Variants in LIPC observed in about 807,000 individuals in gnomAD.
The protein encoded by LIPC is hepatic triacylglycerol lipase.
LIPC carries 44 observed loss-of-function variants against 50.7 expected under a neutral mutation model. The ratio of observed to expected loss-of-function variants is 0.87; its 90% CI spans 0.68 to 1.11. LIPC has a LOEUF of 1.11. Ranked by LOEUF, LIPC falls within the 50% of genes most tolerant of loss-of-function variation. The pLI is 0.00. For missense variants in LIPC, 697 were observed against 648.2 expected (o/e 1.08, Z -0.82); for synonymous variants, 271 against 256.4 (o/e 1.06, Z -0.54).
At chr15:58,464,926 C>G (rs1340313841) in intron 1 of LIPC, among the ~76,000 whole-genome samples, 2 of 152,110 alleles carry the variant, frequency 1.3e-5, no homozygotes, top group African/African-American at 4.8e-5. Flanking sequence ...TGAGCCAAGA[C>G]TGTGCCACTG....
chr15:58,445,145 C>G (rs570109870), intron 1 of LIPC, among the ~76,000 whole-genome samples: 55 of 152,314 alleles, frequency 3.6e-4, no homozygotes, highest in African/African-American at 1.3e-3. Flanking sequence ...GGCATCCTCC[C>G]TCTTCAACAG....
At chr15:58,518,642 A>AAGATGC (rs1434464732) in intron 1 of LIPC, among the ~76,000 whole-genome samples, 1 of 152,224 alleles carries the variant, frequency 6.6e-6, no homozygotes, top group Non-Finnish European at 1.5e-5. Flanking sequence ...CAGAGCAGTT[A>AAGATGC]AGATGCAGGC....
intron 1 of LIPC, among the ~76,000 whole-genome samples, chr15:58,482,413 G>A (rs1404478703): frequency 2.6e-5 from 3 of 116,366 alleles, no homozygotes; most frequent in Non-Finnish European, 5.8e-5. Flanking sequence ...CGTGTATGGA[G>A]TGGTGAAAAA....
chr15:58,542,740 A>C, intron 4 of LIPC, 89 bp downstream of exon 4: 1 of 822,342 alleles, frequency 1.2e-6, no homozygotes, highest in Non-Finnish European at 2.1e-6. Flanking sequence ...CATCATTAAA[A>C]CACCCCAACA....
chr15:58,542,906 T>C (rs1448338154), intron 4 of LIPC, among the ~76,000 whole-genome samples: 1 of 152,200 alleles, frequency 6.6e-6, no homozygotes, highest in Non-Finnish European at 1.5e-5. Context: ...GTGTGCCAAA[T>C]GGGACTAAAA....
At position 58,543,405 on chromosome 15, in the gene LIPC, A is replaced by G. The variant is rs79550700; in HGVS notation, c.574+754A>G. On this transcript the variant is annotated intron_variant, in intron 4 of 8. Coordinates refer to ENST00000299022, the MANE Select transcript of LIPC (RefSeq NM_000236.3). ...CCTCTCCTCCTGCTGATCCCTTCCCATAGCTCTAGGCTTCAACGACACAAG... is the reference window on the plus strand; with the variant it reads ...CCTCTCCTCCTGCTGATCCCTTCCCGTAGCTCTAGGCTTCAACGACACAAG... 5.9e-5 allele frequency among the ~76,000 whole-genome samples: 9 copies of G among 152,062 alleles called. No individual in the cohort carries two copies. The East Asian group carries it at 1.7e-3, about 29-fold the overall frequency.
intron 1 of LIPC, among the ~76,000 whole-genome samples, chr15:58,445,385 C>T (rs1420409924): frequency 1.3e-5 from 2 of 152,238 alleles, no homozygotes; most frequent in Non-Finnish European, 2.9e-5. Flanking sequence ...GTTGCCTAGA[C>T]TCGCCCAGGC....
At chr15:58,463,805 A>G (rs146247350) in intron 1 of LIPC, among the ~76,000 whole-genome samples, 1 of 152,146 alleles carries the variant, frequency 6.6e-6, no homozygotes, top group South Asian at 2.1e-4. Flanking sequence ...AGTCCAATAA[A>G]GGCATTCATC....
At chr15:58,528,906 G>T (rs1377870542) in intron 1 of LIPC, among the ~76,000 whole-genome samples, 1 of 152,202 alleles carries the variant, frequency 6.6e-6, no homozygotes, top group East Asian at 1.9e-4. Context: ...AGCAGTGCCT[G>T]TCCCTACCTG....
chr15:58,472,125 G>C (rs756823439), intron 1 of LIPC, among the ~76,000 whole-genome samples: 12 of 151,788 alleles, frequency 7.9e-5, no homozygotes, highest in Admixed American at 2.0e-4. Context: ...CAAAAAATTA[G>C]CCAGGCATGG....
intron 1 of LIPC, among the ~76,000 whole-genome samples, chr15:58,502,482 T>A (rs1892016700): frequency 1.3e-5 from 2 of 150,938 alleles, no homozygotes; most frequent in Non-Finnish European, 2.9e-5. Context: ...GTTTGCAAAT[T>A]TTGCATTGAA....
intron 6 of LIPC, among the ~76,000 whole-genome samples, chr15:58,552,517 C>T (rs1460017332): frequency 6.6e-6 from 1 of 152,202 alleles, no homozygotes; most frequent in Non-Finnish European, 1.5e-5. Context: ...CCTGTCTTCC[C>T]CGTGCTGCCC....
intron 1 of LIPC, chr15:58,436,717 A>C (rs1287959698): frequency 2.2e-6 from 1 of 456,166 alleles, no homozygotes; most frequent in Non-Finnish European, 4.4e-6. Context: ...ACCATGAGAG[A>C]GGAATGAGTA....
chr15:58,516,036 G>C (rs1892476310), intron 1 of LIPC, among the ~76,000 whole-genome samples: 1 of 152,062 alleles, frequency 6.6e-6, no homozygotes, highest in South Asian at 2.1e-4. Context: ...CTGACACCTG[G>C]CTAGGCTTTG....
At chr15:58,481,216 G>A (rs1478444468) in intron 1 of LIPC, among the ~76,000 whole-genome samples, 4 of 152,082 alleles carry the variant, frequency 2.6e-5, no homozygotes, top group Non-Finnish European at 5.9e-5. Context: ...GACTTGTGGT[G>A]GGAGGGAAAT....
At chr15:58,552,501 T>C (rs1319652969) in intron 6 of LIPC, among the ~76,000 whole-genome samples, 7 of 152,076 alleles carry the variant, frequency 4.6e-5, no homozygotes, top group African/African-American at 1.7e-4. Flanking sequence ...TCTCCTCCAC[T>C]CTTCTCCTGT....
intron 1 of LIPC, chr15:58,522,820 G>C (rs17190622): frequency 0.12 from 18,949 of 152,484 alleles, 1,538 homozygotes; most frequent in Non-Finnish European, 0.19. Context: ...GACAGCAAAA[G>C]ACTTCTCAGT....
At chr15:58,553,017 A>T (rs555330426) in intron 6 of LIPC, among the ~76,000 whole-genome samples, 2 of 152,160 alleles carry the variant, frequency 1.3e-5, no homozygotes, top group African/African-American at 2.4e-5. Flanking sequence ...GCATTTTTTC[A>T]TCGCCATCTT....
In LIPC at chr15:58,538,353, C is replaced by G. The variant is rs1427358533; in HGVS notation, c.109C>G (p.Gln37Glu). 3 of 1,614,044 alleles carry G rather than the reference C, an allele frequency of 1.9e-6. No homozygotes were observed. The Admixed American group carries it at 5.0e-5, about 27-fold the overall frequency. ...LKPEPFGRRAQAVETNKTLHE... is the reference protein window; with the variant it reads ...LKPEPFGRRAEAVETNKTLHE... ...TGCAGAGCCATTTGGAAGAAGAGCTCAAGCTGTTGAAACAAACAAAACGCT... is the reference window on the plus strand; with the variant it reads ...TGCAGAGCCATTTGGAAGAAGAGCTGAAGCTGTTGAAACAAACAAAACGCT... Residue 37 changes from glutamine (Q) to glutamate (E), a missense_variant, in exon 2 of 9, where the codon CAA becomes GAA. Gln to Glu is a conservative substitution (Grantham distance 29). Coordinates refer to ENST00000299022, the MANE Select transcript of LIPC (RefSeq NM_000236.3).
Sources: gnomAD v4.1 joint callset for allele counts (sites outside exome capture counted in the v4.1 genomes callset) on GRCh38, gnomAD v4.1.1 for gene constraint, MANE v1.5 for transcripts, NCBI Gene and HGNC (gene_info 2026-07-23, HGNC 2026-07-21) for gene names.